The following PLXNA1 variants were observed in gnomAD, a reference collection of about 807,000 sequenced individuals.
The protein encoded by PLXNA1 is plexin A1, also known as plexin-A1.
A neutral mutation model predicts 191.7 loss-of-function variants in PLXNA1; 77 were observed. The observed-to-expected ratio is 0.40, with a 90% CI of 0.33 to 0.49. PLXNA1 has a LOEUF of 0.49. Ranked by LOEUF, PLXNA1 falls within the 20% of genes least tolerant of loss-of-function variation. PLXNA1 has a pLI of 0.63. For missense variants in PLXNA1, 2,110 were observed against 2,660.2 expected, an observed-to-expected ratio of 0.79 and a Z score of 4.55; for synonymous variants, 1,137 against 1,156.4, an observed-to-expected ratio of 0.98 and a Z score of 0.34.
chr3:127,022,428 C>T, intron 22 of PLXNA1, 87 bp downstream of exon 22: 1 of 1,508,088 alleles, frequency 6.6e-7, no homozygotes. Context: ...AGAGACGTTG[C>T]TGTGGCAGTT....
Position 127,017,751 on chromosome 3 carries a change from C to T in PLXNA1, c.3519C>T (p.Gly1173=). The change falls in exon 19 of 32, where the codon GGC becomes GGT. Residue 1173 remains glycine (G), a splice_region_variant and synonymous_variant. Coordinates refer to ENST00000393409, the MANE Select transcript of PLXNA1 (RefSeq NM_032242.4). ...LKPSSPLILK[G]RNLLPPAPGN... Reference sequence around the variant, plus strand: ...TGGCTCACCCCCATCTCCTACAGGGCCGGAACCTCTTGCCACCTGCACCCG... The same window carrying T: ...TGGCTCACCCCCATCTCCTACAGGGTCGGAACCTCTTGCCACCTGCACCCG... 1 of 1,613,278 alleles carries T rather than the reference C, an allele frequency of 6.2e-7. No individual in the cohort carries two copies. Among genetic ancestry groups the T allele is most frequent in the Non-Finnish European group, 8.5e-7 (1 of 1,180,024 alleles).
At position 127,007,027 on chromosome 3, in the gene PLXNA1, C is replaced by T. The variant is rs148882490; in HGVS notation, c.1998-772C>T. ...TCACAGCTCTTTGTGGAGCAACTGC[C>T]GTGAGCCAAGCAGGCTTTTTATTTC... is the stretch of plus-strand genomic sequence containing the variant. On this transcript the variant is annotated intron_variant, in intron 8 of 31. Coordinates refer to ENST00000393409, the MANE Select transcript of PLXNA1 (RefSeq NM_032242.4). Among the ~76,000 whole-genome samples the T allele has an allele frequency of 2.1e-3, 315 of 152,300 alleles. 3 individuals are homozygous for T. The highest frequency in any genetic ancestry group is 7.2e-3 in the African/African-American group (300 of 41,556).
In PLXNA1 at chr3:127,012,524, G is replaced by T. The variant is rs1029275626; in HGVS notation, c.2313+366G>T. ...GATCATCAGGTCTGAGTGTGTGCAGGAATAGCCAGGTGGCTGCCAGCCTTC... is the reference window on the plus strand; with the variant it reads ...GATCATCAGGTCTGAGTGTGTGCAGTAATAGCCAGGTGGCTGCCAGCCTTC... On this transcript the variant is annotated intron_variant, in intron 10 of 31. Coordinates refer to ENST00000393409, the MANE Select transcript of PLXNA1 (RefSeq NM_032242.4). Among the ~76,000 whole-genome samples, 8 of 152,236 alleles carry T rather than the reference G, an allele frequency of 5.3e-5. No individual in the cohort carries two copies. In the South Asian group the frequency reaches 1.7e-3, roughly 32 times the overall value.
Position 127,018,398 on chromosome 3 carries a change from C to T in PLXNA1, c.3765C>T (p.Leu1255=), listed in dbSNP as rs1008453517. Residue 1255 remains leucine (L), a synonymous_variant, in exon 20 of 32, where the codon CTC becomes CTT. Transcript: ENST00000393409. The part of the protein sequence containing the change: ...AIVGIGGGGG[L]LLLVIVAVLI... ...TGGGCATTGGCGGAGGCGGGGGTCT[C>T]CTGCTGCTGGTCATCGTGGCTGTGC... 6.2e-6 allele frequency: 10 copies of T among 1,612,970 alleles called. No individual in the cohort carries two copies. The highest frequency in any genetic ancestry group is 8.5e-6 in the Non-Finnish European group (10 of 1,180,022).
At chr3:127,002,543 G>T (rs1189984605) in intron 3 of PLXNA1, among the ~76,000 whole-genome samples, 1 of 152,220 alleles carries the variant, frequency 6.6e-6, no homozygotes, top group Non-Finnish European at 1.5e-5. Flanking sequence ...AGGTGGAAGT[G>T]GAGAGGTAGA....
chr3:126,983,889 G>T (rs1384434161), intron 1 of PLXNA1, among the ~76,000 whole-genome samples: 1 of 152,174 alleles, frequency 6.6e-6, no homozygotes. Context: ...GCCCTGGGGC[G>T]CGGGGTGGAA....
In PLXNA1 at chr3:127,012,080, C is replaced by G. The variant is rs2079098583; in HGVS notation, c.2235C>G (p.Leu745=). The G allele has an allele frequency of 2.5e-6, 4 of 1,613,674 alleles. No individual in the cohort carries two copies. Among genetic ancestry groups the G allele is most frequent in the Non-Finnish European group, 3.4e-6 (4 of 1,180,056 alleles). Reference sequence around the variant, plus strand: ...CAGGCCAGCGTGGATATGAGTGCCTCTTCCACATCCCGGGCAGCCCGGCCC... The same window carrying G: ...CAGGCCAGCGTGGATATGAGTGCCTGTTCCACATCCCGGGCAGCCCGGCCC... ...PQSGQRGYEC[L]FHIPGSPARV... The change falls in exon 10 of 32, where the codon CTC becomes CTG. Residue 745 remains leucine, a synonymous_variant. Coordinates refer to ENST00000393409, the MANE Select transcript of PLXNA1 (RefSeq NM_032242.4).
chr3:126,997,694 C>T (rs1305139752), intron 3 of PLXNA1, among the ~76,000 whole-genome samples: 1 of 152,262 alleles, frequency 6.6e-6, no homozygotes, highest in Middle Eastern at 3.2e-3. Flanking sequence ...AGGGAGCGAC[C>T]TGCTGTTTGC....
chr3:127,004,148 G>A (rs2107626929), intron 4 of PLXNA1, among the ~76,000 whole-genome samples: 1 of 152,334 alleles, frequency 6.6e-6, no homozygotes. Context: ...TGCCTTCCTG[G>A]GGACCTCAGG....
chr3:127,012,099 C>T lies in PLXNA1; in HGVS notation c.2254C>T (p.Pro752Ser). Reference protein sequence around the residue: ...YECLFHIPGSPARVTALRFNS... With the variant: ...YECLFHIPGSSARVTALRFNS... ...GTGCCTCTTCCACATCCCGGGCAGC[C>T]CGGCCCGTGTCACCGCCCTGCGCTT... Residue 752 changes from proline to serine, a missense_variant, in exon 10 of 32, where the codon CCG becomes TCG. Around this residue, in one of 4 missense-constraint regions of PLXNA1, gnomAD observed 644 missense variants for 714.3 expected, o/e 0.90. Transcript: ENST00000393409. 6.2e-7 allele frequency: 1 copy of T among 1,613,538 alleles called. No individual in the cohort carries two copies. Among genetic ancestry groups the T allele is most frequent in the Non-Finnish European group, 8.5e-7 (1 of 1,180,038 alleles).
At chr3:127,023,050 A>T (rs1002251456) in intron 23 of PLXNA1, among the ~76,000 whole-genome samples, 2 of 152,140 alleles carry the variant, frequency 1.3e-5, no homozygotes, top group African/African-American at 4.8e-5. Flanking sequence ...CCACCAAGGT[A>T]GGTGTGGGAG....
At chr3:126,985,679 G>A (rs2078955222) in intron 1 of PLXNA1, among the ~76,000 whole-genome samples, 1 of 152,206 alleles carries the variant, frequency 6.6e-6, no homozygotes, top group Non-Finnish European at 1.5e-5. Context: ...GCCCAGCTTT[G>A]GAATGAATGC....
intron 27 of PLXNA1, 76 bp downstream of exon 27, chr3:127,029,612 G>C (rs551447128): frequency 2.6e-5 from 38 of 1,478,566 alleles, no homozygotes; most frequent in Non-Finnish European, 3.5e-5. Flanking sequence ...GGGCTCCCAC[G>C]CTGCAGCAGC....
chr3:127,020,736 G>A (rs1418868030), intron 21 of PLXNA1, among the ~76,000 whole-genome samples: 3 of 152,060 alleles, frequency 2.0e-5, no homozygotes, highest in Non-Finnish European at 4.4e-5. Flanking sequence ...GCCTCTGTTG[G>A]GGGTCCCGCC....
At chr3:127,029,596 T>C in intron 27 of PLXNA1, 60 bp downstream of exon 27, 1 of 1,527,720 alleles carries the variant, frequency 6.5e-7, no homozygotes, top group Non-Finnish European at 9.1e-7. Context: ...GGGCAGGACG[T>C]CCCCCGGGCT....
chr3:127,029,034 G>A lies in PLXNA1; in HGVS notation c.4711G>A (p.Glu1571Lys), dbSNP rs1365535105. The change falls in exon 26 of 32, where the codon GAG becomes AAG. Residue 1571 changes from glutamate to lysine, a missense_variant. Coordinates refer to ENST00000393409, the MANE Select transcript of PLXNA1 (RefSeq NM_032242.4). ...GRMARIILQD[E>K]DVTTKIDNDW... ...CATGGCGCGCATCATCCTGCAGGAC[G>A]AGGACGTCACCACCAAGATTGACAA... 1 of 1,613,682 alleles carries A rather than the reference G, an allele frequency of 6.2e-7. No homozygotes were observed. The highest frequency in any genetic ancestry group is 1.7e-5 in the Admixed American group (1 of 60,008).
intron 3 of PLXNA1, 35 bp downstream of exon 3, chr3:126,991,601 T>C (rs771448834): frequency 5.9e-6 from 9 of 1,528,120 alleles, no homozygotes; most frequent in Middle Eastern, 2.4e-4. Context: ...AGGAGGGGGC[T>C]TGGGGCAGGA....
intron 4 of PLXNA1, 70 bp downstream of exon 4, chr3:127,003,540 A>C: frequency 6.6e-7 from 1 of 1,507,904 alleles, no homozygotes; most frequent in East Asian, 2.4e-5. Flanking sequence ...CCAGTCACAG[A>C]GCAGTAGGGG....
At chr3:126,987,938 C>T (rs890738582) in intron 1 of PLXNA1, among the ~76,000 whole-genome samples, 1 of 152,040 alleles carries the variant, frequency 6.6e-6, no homozygotes, top group Non-Finnish European at 1.5e-5. Flanking sequence ...CCTGGGCCTC[C>T]ATGTCCTCCG....
Sources: gnomAD v4.1 joint callset for allele counts (sites outside exome capture counted in the v4.1 genomes callset) on GRCh38, gnomAD v4.1.1 for gene constraint, gnomAD v4.1.1 regional missense constraint, MANE v1.5 for transcripts, NCBI Gene and HGNC (gene_info 2026-07-23, HGNC 2026-07-21) for gene names.